Variants in EZH2 observed in about 807,000 individuals in gnomAD.
The protein encoded by EZH2 is histone-lysine N-methyltransferase EZH2.
In EZH2, 18 loss-of-function variants were observed where a neutral mutation model predicts 98.4. That is an observed-to-expected ratio of 0.18 (90% CI 0.13 to 0.27). The LOEUF (loss-of-function observed/expected upper bound fraction) is 0.27. Ranked by LOEUF, EZH2 falls within the 10% of genes least tolerant of loss-of-function variation. EZH2 has a pLI of 1.00. For synonymous variants in EZH2, 338 were observed against 312.3 expected (o/e 1.08, Z -0.87); for missense variants, 470 against 935.1 (o/e 0.50, Z 6.49).
At chr7:148,847,047 C>T in intron 2 of EZH2, 135 bp downstream of exon 2, 6 of 1,020,798 alleles carry the variant, frequency 5.9e-6, no homozygotes, top group South Asian at 1.8e-5. Context: ...AGAACCTAAG[C>T]TTCCAAGTAT....
intron 1 of EZH2, among the ~76,000 whole-genome samples, chr7:148,864,806 C>T (rs1818203045): frequency 6.6e-6 from 1 of 150,586 alleles, no homozygotes; most frequent in South Asian, 2.1e-4. Context: ...TTTACAGAAA[C>T]ACTGTTGGAG....
intron 6 of EZH2, among the ~76,000 whole-genome samples, chr7:148,827,995 A>G (rs1446304929): frequency 6.6e-6 from 1 of 152,166 alleles, no homozygotes; most frequent in Non-Finnish European, 1.5e-5. Flanking sequence ...GCAGGTGCCT[A>G]TAGTCCCAGC....
rs777586454 is a variant in EZH2, at chr7:148,846,524, C to T, written c.192G>A (p.Arg64=). The change falls in exon 3 of 20, where the codon AGG becomes AGA. Residue 64 remains arginine, a synonymous_variant. Transcript: ENST00000320356. ...EILNQEWKQR[R]IQPVHILTSV... The stretch of plus-strand genomic sequence containing the variant: ...AAGTCAGGATGTGCACAGGCTGTAT[C>T]CTTCGCTGTTTCCATTCTTGGTTTA... The T allele has an allele frequency of 6.2e-7, 1 of 1,613,874 alleles. No homozygotes were observed. The highest frequency in any genetic ancestry group is 8.5e-7 in the Non-Finnish European group (1 of 1,179,898).
In EZH2 at chr7:148,847,318, G is replaced by T; in HGVS notation, c.-7-13C>A. On this transcript the variant is annotated splice_polypyrimidine_tract_variant and intron_variant, in intron 1 of 19. Transcript: ENST00000320356. ...GCCCATGATTATTCTAAAAGCAATG[G>T]TTTCATATTAAAATCACTAATCTAA... The T allele has an allele frequency of 6.2e-7, 1 of 1,612,388 alleles. No individual in the cohort carries two copies. The highest frequency in any genetic ancestry group is 1.3e-5 in the African/African-American group (1 of 74,946).
intron 1 of EZH2, among the ~76,000 whole-genome samples, chr7:148,856,916 C>T (rs1007283513): frequency 5.9e-5 from 9 of 152,184 alleles, no homozygotes; most frequent in African/African-American, 2.2e-4. Context: ...ATTCAATTTC[C>T]TTCCCCCTGA....
intron 19 of EZH2, among the ~76,000 whole-genome samples, chr7:148,808,560 GTCCCAGGCA>G (rs1802146940): frequency 6.6e-6 from 1 of 152,208 alleles, no homozygotes; most frequent in Non-Finnish European, 1.5e-5. Context: ...TGGCCCACGT[GTCCCAGGCA>G]TCCCCACAGG....
chr7:148,846,885 T>TG (rs1814274720), intron 2 of EZH2, among the ~76,000 whole-genome samples: 2 of 133,596 alleles, frequency 1.5e-5, no homozygotes, highest in African/African-American at 5.8e-5. Flanking sequence ...TGTGTGTGTA[T>TG]TTTTTTTTTT....
At chr7:148,849,313 G>GA (rs1815063430) in intron 1 of EZH2, among the ~76,000 whole-genome samples, 1 of 152,136 alleles carries the variant, frequency 6.6e-6, no homozygotes, top group African/African-American at 2.4e-5. Flanking sequence ...AAAAGGCAAA[G>GA]AAAGAACCTA....
Position 148,838,284 on chromosome 7 carries a change from G to A in EZH2, c.247-5534C>T, listed in dbSNP as rs146405453. Among the ~76,000 whole-genome samples, 36 of 151,948 alleles carry A rather than the reference G, an allele frequency of 2.4e-4. No individual in the cohort carries two copies. The East Asian group carries it at 6.9e-3, about 29-fold the overall frequency. On this transcript the variant is annotated intron_variant, in intron 3 of 19. Coordinates refer to ENST00000320356, the MANE Select transcript of EZH2 (RefSeq NM_004456.5). Reference sequence around the variant, plus strand: ...GGATCTCACTATGTTGCTCAGGCTGGGAGGAAATTTAGATCCTTAAAGCTC... The same window carrying A: ...GGATCTCACTATGTTGCTCAGGCTGAGAGGAAATTTAGATCCTTAAAGCTC...
chr7:148,856,000 A>AAT (rs1250886141), intron 1 of EZH2, among the ~76,000 whole-genome samples: 1 of 152,118 alleles, frequency 6.6e-6, no homozygotes, highest in African/African-American at 2.4e-5. Flanking sequence ...TTAACAACTC[A>AAT]ATATAAAGAC....
chr7:148,832,224 T>C lies in EZH2; in HGVS notation c.363+410A>G, dbSNP rs144515370. Reference sequence around the variant, plus strand: ...CTCAGCCTCCTGAGTAGCTTGGGACTACAGACATGCGCCACACCCAGCTAA... The same window carrying C: ...CTCAGCCTCCTGAGTAGCTTGGGACCACAGACATGCGCCACACCCAGCTAA... On this transcript the variant is annotated intron_variant, in intron 4 of 19. Coordinates refer to ENST00000320356, the MANE Select transcript of EZH2 (RefSeq NM_004456.5). Among the ~76,000 whole-genome samples the C allele has an allele frequency of 7.2e-4, 110 of 152,270 alleles. 1 individual carries two copies. Among genetic ancestry groups the C allele is most frequent in the South Asian group, 6.4e-3 (31 of 4,814 alleles).
intron 8 of EZH2, among the ~76,000 whole-genome samples, chr7:148,824,190 C>CAAAATTAGCTGGACGTGG (rs1199033813): frequency 6.6e-6 from 1 of 152,080 alleles, no homozygotes; most frequent in African/African-American, 2.4e-5. Context: ...TGGCGGGCGC[C>CAAAATTAGCTGGACGTGG]TGTAATCCCA....
intron 17 of EZH2, chr7:148,810,085 G>A: frequency 2.6e-6 from 1 of 383,058 alleles, no homozygotes. Flanking sequence ...TTCACAGCCA[G>A]ATGCTGGGAT....
At chr7:148,814,169 A>G (rs1451391604) in intron 14 of EZH2, 32 bp from the exon 15 acceptor site, 1 of 1,602,334 alleles carries the variant, frequency 6.2e-7, no homozygotes, top group South Asian at 1.1e-5. Flanking sequence ...TTCTTCACTC[A>G]TCACCGTATG....
chr7:148,867,117 A>C (rs1360005314), intron 1 of EZH2, among the ~76,000 whole-genome samples: 1 of 150,532 alleles, frequency 6.6e-6, no homozygotes, highest in Non-Finnish European at 1.5e-5. Context: ...ACCTGAGGGC[A>C]GGAGTTCAAC....
chr7:148,860,730 G>A (rs780876161), intron 1 of EZH2, among the ~76,000 whole-genome samples: 1 of 152,134 alleles, frequency 6.6e-6, no homozygotes. Context: ...GAAGTGCACT[G>A]GCGCAATCAC....
chr7:148,808,656 A>C lies in EZH2; in HGVS notation c.2195+415T>G, dbSNP rs571981050. Among the ~76,000 whole-genome samples, 15 of 152,328 alleles carry C rather than the reference A, an allele frequency of 9.8e-5. No homozygotes were observed. In the South Asian group the frequency reaches 2.1e-3, roughly 21 times the overall value. ...TGTAATAAGTATTATAGCAAACAAT[A>C]AATTAAGTAGATCTAATCCATAAAG... is the stretch of plus-strand genomic sequence containing the variant. On this transcript the variant is annotated intron_variant, in intron 19 of 19. Coordinates refer to ENST00000320356, the MANE Select transcript of EZH2 (RefSeq NM_004456.5).
chr7:148,819,960 C>T lies in EZH2; in HGVS notation c.908-273G>A, dbSNP rs116934083. ...TCTCCTTGCAAGTAAAACTGATGCG[C>T]ATAACTATGGTTATAAACATTTACT... On this transcript the variant is annotated intron_variant, in intron 8 of 19. Transcript: ENST00000320356. 1.3e-3 allele frequency among the ~76,000 whole-genome samples: 199 copies of T among 152,300 alleles called. 5 individuals are homozygous for T. In the East Asian group the frequency reaches 0.034, roughly 26 times the overall value.
intron 19 of EZH2, 108 bp from the exon 20 acceptor site, chr7:148,807,814 TAAAAAA>T (rs35866517): frequency 9.6e-4 from 383 of 399,758 alleles, no homozygotes; most frequent in African/African-American, 3.7e-3. Context: ...AAAATGTCTT[TAAAAAA>T]AAAAAAAAAA....
Sources: gnomAD v4.1 joint callset for allele counts (sites outside exome capture counted in the v4.1 genomes callset) on GRCh38, gnomAD v4.1.1 for gene constraint, MANE v1.5 for transcripts, NCBI Gene and HGNC (gene_info 2026-07-23, HGNC 2026-07-21) for gene names.